The following ANKRD30B variants were observed in gnomAD, a reference collection of about 807,000 sequenced individuals.
ANKRD30B encodes the protein ankyrin repeat domain-containing protein 30B.
ANKRD30B carries 144 observed loss-of-function variants against 202.2 expected under a neutral mutation model. The ratio of observed to expected loss-of-function variants is 0.71; its 90% CI spans 0.62 to 0.82. ANKRD30B has a LOEUF of 0.82. Ranked by LOEUF, ANKRD30B falls within the 40% of genes least tolerant of loss-of-function variation. The probability of loss-of-function intolerance (pLI) is 0.00; values close to 1 mark genes in which losing one functional copy is unlikely to be tolerated. For missense variants in ANKRD30B, 1,487 were observed against 1,669.1 expected (o/e 0.89, Z 1.90); for synonymous variants, 508 against 561.3 (o/e 0.91, Z 1.34).
chr18:14,792,988 T>C (rs1968627893), intron 16 of ANKRD30B, among the ~76,000 whole-genome samples: 1 of 152,176 alleles, frequency 6.6e-6, no homozygotes, highest in Non-Finnish European at 1.5e-5. Context: ...CTAGAAAATT[T>C]TGTTAATATT....
the ANKRD30B span, among the ~76,000 whole-genome samples, chr18:14,875,289 A>G: frequency 2.0e-5 from 3 of 152,180 alleles, no homozygotes; most frequent in Non-Finnish European, 2.9e-5. Context: ...GAGAAGCTAC[A>G]TGGCCATGTC....
chr18:14,750,461 A>G (rs1913246754), intron 1 of ANKRD30B, among the ~76,000 whole-genome samples: 1 of 152,166 alleles, frequency 6.6e-6, no homozygotes, highest in South Asian at 2.1e-4. Context: ...GTTTGTGAGG[A>G]TAAAAAGCAG....
At chr18:14,880,178 A>T in the ANKRD30B span, among the ~76,000 whole-genome samples, 1 of 152,112 alleles carries the variant, frequency 6.6e-6, no homozygotes, top group African/African-American at 2.4e-5. Context: ...TTTGTCGAAG[A>T]TCAGTTGGCT....
intron 3 of ANKRD30B, 96 bp downstream of exon 3, chr18:14,753,108 C>A: frequency 1.0e-6 from 1 of 986,804 alleles, no homozygotes; most frequent in Non-Finnish European, 1.4e-6. Flanking sequence ...CACAAACATT[C>A]CTTGAGTGAA....
At chr18:14,899,539 C>T in the ANKRD30B span, among the ~76,000 whole-genome samples, 3 of 151,922 alleles carry the variant, frequency 2.0e-5, no homozygotes, top group Admixed American at 6.6e-5. Context: ...AAATAGTGCT[C>T]CATAAATAAA....
At chr18:14,924,664 CAGG>C in the ANKRD30B span, among the ~76,000 whole-genome samples, 1 of 152,242 alleles carries the variant, frequency 6.6e-6, no homozygotes, top group East Asian at 1.9e-4. Flanking sequence ...GGGCTACAGA[CAGG>C]AGACTTTTAG....
the ANKRD30B span, among the ~76,000 whole-genome samples, chr18:14,873,327 C>A: frequency 1.3e-5 from 2 of 151,930 alleles, no homozygotes; most frequent in Non-Finnish European, 2.9e-5. Context: ...ATTTTGAGAC[C>A]AGCCTGGCCA....
chr18:14,784,683 C>T (rs1967965542), intron 14 of ANKRD30B, 148 bp downstream of exon 14: 1 of 911,144 alleles, frequency 1.1e-6, no homozygotes, highest in East Asian at 3.0e-5. Flanking sequence ...TGTTTGAAAA[C>T]CTGATATTAC....
In ANKRD30B at chr18:14,784,534, A is replaced by T. The variant is rs752877388; in HGVS notation, c.1671A>T (p.Ala557=). Residue 557 remains alanine (A), a splice_region_variant and synonymous_variant, in exon 14 of 44, where the codon GCA becomes GCT. Transcript: ENST00000690538. The part of the protein sequence containing the change: ...FELKNEQTLR[A]AQMFPSESKQ... ...TGAAGAATGAACAAACATTGAGAGC[A>T]GGTAAATTTTTCAATTTAACTATGC... 5.6e-6 allele frequency: 9 copies of T among 1,612,520 alleles called. No individual in the cohort carries two copies. In the South Asian group the frequency reaches 9.9e-5, roughly 18 times the overall value.
intron 14 of ANKRD30B, 128 bp downstream of exon 14, chr18:14,784,663 C>G: frequency 1.9e-6 from 2 of 1,037,658 alleles, no homozygotes; most frequent in Non-Finnish European, 1.3e-6. Flanking sequence ...AATGCCAATA[C>G]TGGTATTTAT....
chr18:14,820,597 T>C (rs1239043867), intron 30 of ANKRD30B, among the ~76,000 whole-genome samples: 4 of 152,182 alleles, frequency 2.6e-5, no homozygotes, highest in African/African-American at 4.8e-5. Context: ...TGTCAAAGGC[T>C]TTTTCTGCAT....
chr18:14,766,566 A>G (rs1365860094), intron 7 of ANKRD30B, among the ~76,000 whole-genome samples: 1 of 151,982 alleles, frequency 6.6e-6, no homozygotes, highest in African/African-American at 2.4e-5. Flanking sequence ...GGGACAGACC[A>G]ACCATTTTCT....
chr18:14,786,635 T>G (rs1968100374), intron 14 of ANKRD30B, among the ~76,000 whole-genome samples: 2 of 152,170 alleles, frequency 1.3e-5, no homozygotes, highest in Non-Finnish European at 2.9e-5. Flanking sequence ...AGCTGTGTAA[T>G]AGAGATTGCT....
At chr18:14,831,096 A>G (rs55774912) in intron 33 of ANKRD30B, among the ~76,000 whole-genome samples, 86,496 of 149,598 alleles carry the variant, frequency 0.58, 25,715 homozygotes, top group African/African-American at 0.73. Flanking sequence ...GGAGAATGGC[A>G]TGAACCCCGG....
chr18:14,799,041 C>G (rs369318132), intron 20 of ANKRD30B, 60 bp from the exon 21 acceptor site: 1 of 1,425,946 alleles, frequency 7.0e-7, no homozygotes, highest in Non-Finnish European at 9.9e-7. Context: ...ACTCTATGAA[C>G]GTTTGGTAGG....
intron 39 of ANKRD30B, among the ~76,000 whole-genome samples, chr18:14,846,822 T>G (rs1414732072): frequency 6.6e-6 from 1 of 151,830 alleles, no homozygotes; most frequent in Non-Finnish European, 1.5e-5. Flanking sequence ...ATTTAAAGTT[T>G]ATTTCTTATA....
the ANKRD30B span, among the ~76,000 whole-genome samples, chr18:14,864,750 CCT>C: frequency 2.0e-5 from 3 of 151,818 alleles, no homozygotes; most frequent in African/African-American, 7.3e-5. Flanking sequence ...TGCTCGCCAC[CCT>C]CTCTTTCCCC....
the ANKRD30B span, among the ~76,000 whole-genome samples, chr18:14,918,226 A>T: frequency 5.2e-3 from 788 of 152,198 alleles, 10 homozygotes; most frequent in Non-Finnish European, 8.4e-3. Flanking sequence ...TCCTCCTACT[A>T]GCCCTTAGAT....
At chr18:14,777,844 G>A (rs1967475336) in intron 9 of ANKRD30B, 141 bp from the exon 10 acceptor site, 2 of 606,556 alleles carry the variant, frequency 3.3e-6, no homozygotes, top group Non-Finnish European at 5.9e-6. Context: ...TCAGGAGGCA[G>A]AAGGAGGAGA....
Sources: gnomAD v4.1 joint callset for allele counts (sites outside exome capture counted in the v4.1 genomes callset) on GRCh38, gnomAD v4.1.1 for gene constraint, MANE v1.5 for transcripts, NCBI Gene and HGNC (gene_info 2026-07-23, HGNC 2026-07-21) for gene names.